Variants in CDYL observed in about 807,000 individuals in gnomAD.
CDYL encodes chromodomain Y like.
CDYL carries 8 observed loss-of-function variants against 47.3 expected under a neutral mutation model. The observed-to-expected ratio is 0.17, with a 90% CI of 0.10 to 0.31. CDYL has a LOEUF of 0.31. CDYL is among the 10% of genes least tolerant of loss of function. The pLI, the probability that CDYL is intolerant of heterozygous loss-of-function variation, is 1.00. For missense variants in CDYL, 471 were observed against 701.4 expected, an observed-to-expected ratio of 0.67 and a Z score of 3.71; for synonymous variants, 266 against 265.0, an observed-to-expected ratio of 1.00 and a Z score of -0.04.
intron 2 of CDYL, among the ~76,000 whole-genome samples, chr6:4,721,240 T>G (rs1757363461): frequency 6.6e-6 from 1 of 152,210 alleles, no homozygotes; most frequent in African/African-American, 2.4e-5. Context: ...TTTTTCACTA[T>G]GCAGCACGTA....
intron 5 of CDYL, among the ~76,000 whole-genome samples, chr6:4,944,002 T>C (rs764507675): frequency 6.6e-6 from 1 of 152,174 alleles, no homozygotes. Context: ...TGTTAGTAAA[T>C]ACCCAATCAG....
intron 2 of CDYL, chr6:4,724,888 T>C (rs62384812): frequency 0.22 from 34,089 of 152,138 alleles, 4,161 homozygotes; most frequent in Admixed American, 0.3. Flanking sequence ...AGATTACCGC[T>C]GCTGGCTCGG....
intron 2 of CDYL, among the ~76,000 whole-genome samples, chr6:4,922,566 C>T (rs542178525): frequency 5.3e-5 from 8 of 152,174 alleles, no homozygotes; most frequent in African/African-American, 7.2e-5. Flanking sequence ...ACGAGCAGCA[C>T]GGCGTAATCC....
At chr6:4,770,945 A>G (rs1758328839) in intron 3 of CDYL, among the ~76,000 whole-genome samples, 1 of 152,250 alleles carries the variant, frequency 6.6e-6, no homozygotes, top group Admixed American at 6.5e-5. Context: ...CTTAGTACAC[A>G]ATAATATATG....
chr6:4,827,189 T>G (rs1194157461), intron 1 of CDYL, among the ~76,000 whole-genome samples: 2 of 152,252 alleles, frequency 1.3e-5, no homozygotes, highest in Non-Finnish European at 2.9e-5. Context: ...TTTTTGTTTT[T>G]GAATCTTGAG....
intron 2 of CDYL, among the ~76,000 whole-genome samples, chr6:4,918,619 T>C (rs541677876): frequency 6.6e-6 from 1 of 152,354 alleles, no homozygotes; most frequent in South Asian, 2.1e-4. Context: ...CTAAATAGCA[T>C]GAATTTGCGT....
chr6:4,912,171 C>T (rs1561704569), intron 2 of CDYL, among the ~76,000 whole-genome samples: 1 of 152,194 alleles, frequency 6.6e-6, no homozygotes, highest in Admixed American at 6.5e-5. Context: ...GGGAGTGGCT[C>T]CCAGTGCCCC....
chr6:4,926,813 C>G (rs1757887754), intron 2 of CDYL, among the ~76,000 whole-genome samples: 1 of 72,876 alleles, frequency 1.4e-5, no homozygotes, highest in African/African-American at 3.4e-5. Context: ...CTTCTGTTAT[C>G]TTTCATTTTT....
At chr6:4,772,262 AG>A, upstream of CDYL, among the ~76,000 whole-genome samples, 1 of 152,344 alleles carries the variant, frequency 6.6e-6, no homozygotes, top group Non-Finnish European at 1.5e-5. Context: ...TATCTGGCCA[AG>A]GAGCAGCAGT....
chr6:4,756,157 G>A (rs996860774), intron 3 of CDYL, among the ~76,000 whole-genome samples: 8 of 152,092 alleles, frequency 5.3e-5, no homozygotes, highest in Admixed American at 4.6e-4. Flanking sequence ...CTCCTCCCCT[G>A]AATGGCCACT....
At chr6:4,895,388 CATATATGCATGTATACATGTATACGT>C (rs1561693788) in intron 2 of CDYL, among the ~76,000 whole-genome samples, 1 of 3,362 alleles carries the variant, frequency 3.0e-4, no homozygotes, top group African/African-American at 3.1e-4. Context: ...TATATATGTG[CATATATGCATGTATACATGTATACGT>C]ATATATGCAT....
chr6:4,920,938 C>T (rs146029077), intron 2 of CDYL, among the ~76,000 whole-genome samples: 10 of 151,992 alleles, frequency 6.6e-5, no homozygotes, highest in African/African-American at 2.4e-4. Flanking sequence ...TTTTAAATTG[C>T]ATGTGTGTGT....
intron 1 of CDYL, among the ~76,000 whole-genome samples, chr6:4,882,948 C>G (rs1761802233): frequency 6.6e-6 from 1 of 152,130 alleles, no homozygotes; most frequent in Admixed American, 6.5e-5. Flanking sequence ...CTGGGAAATT[C>G]TCCCCTGGCC....
chr6:4,894,984 T>C (rs1165569447), intron 2 of CDYL, among the ~76,000 whole-genome samples: 3 of 151,838 alleles, frequency 2.0e-5, no homozygotes, highest in Non-Finnish European at 4.4e-5. Context: ...TGTGTATGCA[T>C]ATGTGTATAC....
chr6:4,842,180 AATT>A (rs911712369), intron 1 of CDYL, among the ~76,000 whole-genome samples: 4 of 143,860 alleles, frequency 2.8e-5, no homozygotes, highest in Non-Finnish European at 4.6e-5. Flanking sequence ...TTATATAATA[AATT>A]ATTAATATAA....
At chr6:4,805,999 C>A (rs1759357238) in intron 1 of CDYL, among the ~76,000 whole-genome samples, 1 of 152,258 alleles carries the variant, frequency 6.6e-6, no homozygotes, top group Admixed American at 6.5e-5. Flanking sequence ...CAGCAAGCCG[C>A]TGGCGCAGGA....
chr6:4,764,446 C>T (rs906685180), intron 3 of CDYL, among the ~76,000 whole-genome samples: 1 of 152,034 alleles, frequency 6.6e-6, no homozygotes, highest in African/African-American at 2.4e-5. Flanking sequence ...CACACCCCCA[C>T]GCCTGGCTAA....
intron 3 of CDYL, among the ~76,000 whole-genome samples, chr6:4,755,937 T>C (rs919490891): frequency 1.3e-5 from 2 of 152,220 alleles, no homozygotes; most frequent in African/African-American, 4.8e-5. Flanking sequence ...TTTTTGCCTA[T>C]GGTACCGTAA....
At chr6:4,929,478 T>C (rs143608004) in intron 2 of CDYL, among the ~76,000 whole-genome samples, 1 of 140,342 alleles carries the variant, frequency 7.1e-6, no homozygotes, top group African/African-American at 2.6e-5. Flanking sequence ...CTATTATTTC[T>C]GCAAATGTTT....
Sources: gnomAD v4.1 joint callset for allele counts (sites outside exome capture counted in the v4.1 genomes callset) on GRCh38, gnomAD v4.1.1 for gene constraint, MANE v1.5 for transcripts, NCBI Gene and HGNC (gene_info 2026-07-23, HGNC 2026-07-21) for gene names.